METTL9: variants seen among roughly 807,000 people sequenced by gnomAD.
METTL9 encodes the protein protein-L-histidine N-pros-methyltransferase.
In METTL9, 10 loss-of-function variants were observed where a neutral mutation model predicts 36.0. The ratio of observed to expected loss-of-function variants is 0.28; its 90% CI spans 0.17 to 0.47. METTL9 has a LOEUF of 0.47. Among genes scored for constraint, METTL9 ranks in the 20% least tolerant of loss-of-function variants. The pLI is 0.99. For synonymous variants in METTL9, 175 were observed against 149.7 expected (o/e 1.17, Z -1.23); for missense variants, 246 against 383.5 (o/e 0.64, Z 3.00).
chr16:21,625,470 C>A (rs952307804), intron 4 of METTL9, among the ~76,000 whole-genome samples: 1 of 152,062 alleles, frequency 6.6e-6, no homozygotes, highest in African/African-American at 2.4e-5. Context: ...TAAATCTGGT[C>A]GTATATACTT....
intron 2 of METTL9, among the ~76,000 whole-genome samples, chr16:21,617,639 G>T (rs1965587294): frequency 6.6e-6 from 1 of 151,838 alleles, no homozygotes; most frequent in Non-Finnish European, 1.5e-5. Context: ...TGGGACAGGA[G>T]AATCGCTTGA....
chr16:21,634,095 A>T (rs1389797727), intron 4 of METTL9, among the ~76,000 whole-genome samples: 1 of 152,198 alleles, frequency 6.6e-6, no homozygotes, highest in Non-Finnish European at 1.5e-5. Context: ...GTTTCCAATT[A>T]CAACTGAGGA....
intron 1 of METTL9, among the ~76,000 whole-genome samples, chr16:21,607,298 C>T (rs1374320709): frequency 6.6e-6 from 1 of 152,198 alleles, no homozygotes; most frequent in Non-Finnish European, 1.5e-5. Context: ...TGGTCTTGAA[C>T]TCTTGACTTC....
Position 21,657,146 on chromosome 16 carries a change from A to G in METTL9, c.*1714A>G, listed in dbSNP as rs557971594. ...TTCTAACTTTCAAGTAGAGAACTTT[A>G]TGCTCTAATAAGAAAAATACAACTC... On this transcript the variant is annotated 3_prime_UTR_variant, in exon 5 of 5. Transcript: ENST00000358154. 4 of 152,274 alleles carry G rather than the reference A, an allele frequency of 2.6e-5. No individual in the cohort carries two copies. In the East Asian group the frequency reaches 7.7e-4, roughly 29 times the overall value. The allele number at this position is 152,274 out of a possible 1,614,324, so 9.4% of individuals were successfully genotyped here.
chr16:21,650,083 G>A (rs1450268322), intron 4 of METTL9, among the ~76,000 whole-genome samples: 1 of 152,162 alleles, frequency 6.6e-6, no homozygotes, highest in African/African-American at 2.4e-5. Context: ...AGGAATTCCA[G>A]GCTGCAGTGA....
intron 4 of METTL9, among the ~76,000 whole-genome samples, chr16:21,638,846 G>T (rs139198422): frequency 2.3e-4 from 35 of 152,268 alleles, no homozygotes; most frequent in Middle Eastern, 3.4e-3. Flanking sequence ...AGTATGACCC[G>T]AGGATAGTTT....
intron 1 of METTL9, among the ~76,000 whole-genome samples, chr16:21,603,957 C>CT (rs967580828): frequency 4.3e-4 from 66 of 152,106 alleles, no homozygotes; most frequent in African/African-American, 1.4e-3. Context: ...AATTAAAATC[C>CT]TTTTTTTTCC....
At chr16:21,612,599 C>T (rs369771078) in intron 1 of METTL9, 46 bp from the exon 2 acceptor site, 81 of 1,430,134 alleles carry the variant, frequency 5.7e-5, no homozygotes, top group Non-Finnish European at 6.7e-5. Flanking sequence ...GGTGACACTT[C>T]GGTTGTGTGT....
Position 21,599,766 on chromosome 16 carries a change from C to T in METTL9, c.33C>T (p.Ser11=), listed in dbSNP as rs1442789469. 5 of 1,539,968 alleles carry T rather than the reference C, an allele frequency of 3.2e-6. No individual in the cohort carries two copies. Among genetic ancestry groups the T allele is most frequent in the Non-Finnish European group, 4.3e-6 (5 of 1,150,802 alleles). Residue 11 remains serine (S), a synonymous_variant, in exon 1 of 5, where the codon AGC becomes AGT. Transcript: ENST00000358154. This position sits in a 1 kb window ranked among gnomAD's most constrained non-coding sequence, Gnocchi z 4.4. The part of the protein sequence containing the change: MRLLAGWLCL[S]LASVWLARRM... Reference sequence around the variant, plus strand: ...TGCTGGCGGGCTGGCTGTGCCTGAGCCTGGCGTCCGTGTGGCTGGCGCGGA... The same window carrying T: ...TGCTGGCGGGCTGGCTGTGCCTGAGTCTGGCGTCCGTGTGGCTGGCGCGGA...
intron 4 of METTL9, among the ~76,000 whole-genome samples, chr16:21,630,300 G>A (rs917569371): frequency 3.3e-5 from 5 of 152,320 alleles, no homozygotes; most frequent in African/African-American, 4.8e-5. Context: ...GCGCCCACCC[G>A]GAACCCACGC....
At chr16:21,640,114 T>C (rs1484632573) in intron 4 of METTL9, 2 of 149,466 alleles carry the variant, frequency 1.3e-5, no homozygotes, top group Admixed American at 6.6e-5. Context: ...AATTTTTTTG[T>C]ATTTTTAGTA....
In METTL9 at chr16:21,655,664, C is replaced by A; in HGVS notation, c.*232C>A. ...ATTTTTATCAACTCTTTACTCAGAG[C>A]CACTCTCCAATGCAGGTCACACTCC... On this transcript the variant is annotated 3_prime_UTR_variant, in exon 5 of 5. Transcript: ENST00000358154. The A allele has an allele frequency of 2.0e-6, 1 of 489,360 alleles. No homozygotes were observed. The highest frequency in any genetic ancestry group is 3.4e-5 in the East Asian group (1 of 29,216). The allele number at this position is 489,360 out of a possible 1,614,324, so 30.3% of individuals were successfully genotyped here. A position where few individuals can be genotyped will look rare whatever the true frequency, so the allele number is the denominator to read the frequency against.
At chr16:21,615,586 A>T (rs915206149) in intron 2 of METTL9, among the ~76,000 whole-genome samples, 5 of 152,052 alleles carry the variant, frequency 3.3e-5, no homozygotes, top group African/African-American at 7.2e-5. Context: ...AGCTCAGGTG[A>T]CCTCTTGTTC....
intron 4 of METTL9, among the ~76,000 whole-genome samples, chr16:21,629,924 C>T (rs1017962408): frequency 1.5e-4 from 23 of 152,170 alleles, no homozygotes; most frequent in South Asian, 1.0e-3. Flanking sequence ...CTGATTGGTG[C>T]GTTTACAATC....
rs1965788474 is a variant in METTL9 at position 21,625,075 on chromosome 16, C to T, written c.711C>T (p.Ile237=). ...TGGAGCCAACTAGAGGCAGGGTCAT[C>T]CTTGCCCTTGTCCTCCCCTTTCATC... ...SVLEPTRGRV[I]LALVLPFHPY... Residue 237 remains isoleucine, a synonymous_variant, in exon 4 of 5, where the codon ATC becomes ATT. Coordinates refer to ENST00000358154, the MANE Select transcript of METTL9 (RefSeq NM_016025.5). 9.9e-6 allele frequency: 16 copies of T among 1,614,154 alleles called. No individual in the cohort carries two copies. The highest frequency in any genetic ancestry group is 1.3e-5 in the Non-Finnish European group (15 of 1,180,024).
chr16:21,633,712 T>G (rs1285494204), intron 4 of METTL9, among the ~76,000 whole-genome samples: 1 of 152,200 alleles, frequency 6.6e-6, no homozygotes, highest in Non-Finnish European at 1.5e-5. Flanking sequence ...ACCGTTCAGT[T>G]TCTGTATTCC....
chr16:21,641,603 T>G (rs936077633), intron 4 of METTL9: 3 of 1,538,080 alleles, frequency 2.0e-6, no homozygotes, highest in Non-Finnish European at 2.7e-6. Context: ...CCTGCAATAA[T>G]AAATAAATAG....
rs115882957 is a variant in METTL9 at position 21,650,171 on chromosome 16, G to A, written c.752-5056G>A. On this transcript the variant is annotated intron_variant, in intron 4 of 4. Coordinates refer to ENST00000358154, the MANE Select transcript of METTL9 (RefSeq NM_016025.5). ...TCTATTAAAGGAATAGAGTCTGGAC[G>A]TGCACTCCAGCCTGGGCAGCATTGT... Among the ~76,000 whole-genome samples the A allele has an allele frequency of 5.9e-3, 889 of 151,704 alleles. 5 individuals carry two copies. Among genetic ancestry groups the A allele is most frequent in the African/African-American group, 0.021 (858 of 41,288 alleles).
chr16:21,634,891 C>G (rs1200825740), intron 4 of METTL9, among the ~76,000 whole-genome samples: 2 of 152,150 alleles, frequency 1.3e-5, no homozygotes, highest in African/African-American at 4.8e-5. Flanking sequence ...CTTAGTCCTT[C>G]TAGAACACAG....
Sources: gnomAD v4.1 joint callset for allele counts (sites outside exome capture counted in the v4.1 genomes callset) on GRCh38, gnomAD v4.1.1 for gene constraint, Gnocchi (gnomAD v3.1) non-coding constraint, MANE v1.5 for transcripts, NCBI Gene and HGNC (gene_info 2026-07-23, HGNC 2026-07-21) for gene names.